Variants in NRXN3 observed in about 807,000 individuals in gnomAD.
NRXN3 encodes the protein neurexin 3, also known as neurexin III.
Under a neutral mutation model 137.6 loss-of-function variants are expected in NRXN3, and 32 were observed. The observed-to-expected ratio is 0.23, with a 90% CI of 0.18 to 0.31. The LOEUF is 0.31. Ranked by LOEUF, NRXN3 falls within the 10% of genes least tolerant of loss-of-function variation. The pLI is 1.00. For synonymous variants in NRXN3, 798 were observed against 784.5 expected (o/e 1.02, Z -0.29); for missense variants, 1,574 against 2,062.5 (o/e 0.76, Z 4.59).
At position 79,862,067 on chromosome 14, in the gene NRXN3, A is replaced by G; in HGVS notation, c.*103A>G. The G allele has an allele frequency of 1.0e-6, 1 of 1,004,290 alleles. No individual in the cohort carries two copies. The allele number at this position is 1,004,290 out of a possible 1,614,324, so 62.2% of individuals were successfully genotyped here. Reference sequence around the variant, plus strand: ...CACAGATGTCAGAACTGCTGGAACTATGAAATGGGGTATATAACCACGACT... The same window carrying G: ...CACAGATGTCAGAACTGCTGGAACTGTGAAATGGGGTATATAACCACGACT... On this transcript the variant is annotated 3_prime_UTR_variant, in exon 21 of 21. Coordinates refer to ENST00000335750, the MANE Select transcript of NRXN3 (RefSeq NM_001330195.2).
rs1482262644 is a variant in NRXN3 at position 79,269,690 on chromosome 14, G to C, written c.3263-197531G>C. On this transcript the variant is annotated intron_variant, in intron 15 of 20. Transcript: ENST00000335750. ...CATGCTGAAGAGGTAAGGAACAATA[G>C]GGTAAGCAAGCCAGCCAGCATATTC... 4.6e-5 allele frequency among the ~76,000 whole-genome samples: 7 copies of C among 152,248 alleles called. No individual in the cohort carries two copies. The East Asian group carries it at 1.2e-3, about 25-fold the overall frequency.
chr14:78,812,108 C>A (rs2153101172), intron 10 of NRXN3, among the ~76,000 whole-genome samples: 1 of 152,242 alleles, frequency 6.6e-6, no homozygotes, highest in African/African-American at 2.4e-5. Context: ...ATAAAGTTGT[C>A]CAAATATCAC....
At chr14:78,636,969 GT>G (rs948688935) in intron 4 of NRXN3, among the ~76,000 whole-genome samples, 2 of 150,806 alleles carry the variant, frequency 1.3e-5, no homozygotes, top group Admixed American at 6.6e-5. Flanking sequence ...CATGTTCTGT[GT>G]TTTTTTTTAT....
chr14:79,493,386 T>G (rs909216137), intron 16 of NRXN3, among the ~76,000 whole-genome samples: 1 of 152,208 alleles, frequency 6.6e-6, no homozygotes, highest in Non-Finnish European at 1.5e-5. Flanking sequence ...ACAGAAGGGC[T>G]TTAGCCCAGA....
chr14:78,853,688 A>G (rs989395654), intron 10 of NRXN3, among the ~76,000 whole-genome samples: 4 of 152,102 alleles, frequency 2.6e-5, no homozygotes, highest in African/African-American at 4.8e-5. Context: ...TGGCAATACT[A>G]TGTCTCTCAA....
intron 4 of NRXN3, chr14:78,300,538 T>G: frequency 1.7e-6 from 1 of 589,736 alleles, no homozygotes; most frequent in Non-Finnish European, 3.0e-6. Context: ...GTTGTGAGTT[T>G]TTGTTTTGTG....
rs147159867 is a variant in NRXN3 at position 79,718,853 on chromosome 14, G to C, written c.4014+20916G>C. Among the ~76,000 whole-genome samples the C allele has an allele frequency of 5.2e-3, 781 of 151,404 alleles. 3 individuals carry two copies. Among genetic ancestry groups the C allele is most frequent in the Non-Finnish European group, 7.8e-3 (528 of 67,852 alleles). On this transcript the variant is annotated intron_variant, in intron 19 of 20. Coordinates refer to ENST00000335750, the MANE Select transcript of NRXN3 (RefSeq NM_001330195.2). ...ACCCAGATTCCTTTTTCTCTCTGTTGTGTTCATTCTAGATCATTCCAAATG... is the reference window on the plus strand; with the variant it reads ...ACCCAGATTCCTTTTTCTCTCTGTTCTGTTCATTCTAGATCATTCCAAATG...
intron 15 of NRXN3, among the ~76,000 whole-genome samples, chr14:79,152,254 A>G (rs1035015161): frequency 3.3e-5 from 5 of 152,088 alleles, no homozygotes; most frequent in Non-Finnish European, 7.4e-5. Context: ...GAAACCAGAA[A>G]CAACTATCTT....
intron 15 of NRXN3, among the ~76,000 whole-genome samples, chr14:79,376,365 A>G (rs1303273937): frequency 2.0e-5 from 3 of 151,152 alleles, no homozygotes; most frequent in Non-Finnish European, 2.9e-5. Context: ...ATATCAAACA[A>G]TTGAATGTTT....
chr14:79,187,660 C>CAA (rs1272684800), intron 15 of NRXN3, among the ~76,000 whole-genome samples: 2 of 20,294 alleles, frequency 9.9e-5, no homozygotes, highest in African/African-American at 3.6e-4. Flanking sequence ...GACTCCGTCT[C>CAA]AAAAAAAAAA....
chr14:78,206,324 C>T (rs2062179410), intron 1 of NRXN3, among the ~76,000 whole-genome samples: 1 of 152,186 alleles, frequency 6.6e-6, no homozygotes, highest in African/African-American at 2.4e-5. Context: ...AGTGTTCAGA[C>T]ACAGTATCCC....
intron 15 of NRXN3, among the ~76,000 whole-genome samples, chr14:79,278,560 C>T (rs981162123): frequency 1.3e-5 from 2 of 152,238 alleles, no homozygotes; most frequent in Admixed American, 6.5e-5. Flanking sequence ...GCAGCCAGTT[C>T]CGGACAGGCG....
intron 8 of NRXN3, among the ~76,000 whole-genome samples, chr14:78,778,821 T>TTTCC (rs2098757878): frequency 1.5e-5 from 2 of 137,134 alleles, no homozygotes; most frequent in African/African-American, 5.4e-5. Context: ...TCTTTCTTTC[T>TTTCC]TTTCCTTCTT....
chr14:79,066,381 G>A (rs1025772999), intron 15 of NRXN3, among the ~76,000 whole-genome samples: 4 of 152,052 alleles, frequency 2.6e-5, no homozygotes, highest in South Asian at 2.1e-4. Context: ...ATGCTGTTTT[G>A]GTTACTGTAG....
At chr14:78,240,624 A>G (rs1038714570) in intron 1 of NRXN3, among the ~76,000 whole-genome samples, 5 of 152,146 alleles carry the variant, frequency 3.3e-5, no homozygotes, top group African/African-American at 1.2e-4. Flanking sequence ...CAGCTCTGGG[A>G]TTATTCTTCT....
intron 16 of NRXN3, among the ~76,000 whole-genome samples, chr14:79,498,137 C>T (rs2096785454): frequency 6.6e-6 from 1 of 152,060 alleles, no homozygotes; most frequent in African/African-American, 2.4e-5. Flanking sequence ...TTTAAATACA[C>T]TTTTACCAAG....
chr14:79,594,008 GA>G (rs1369996723), intron 16 of NRXN3, among the ~76,000 whole-genome samples: 1 of 151,506 alleles, frequency 6.6e-6, no homozygotes, highest in Non-Finnish European at 1.5e-5. Context: ...TCCTTTTTTT[GA>G]AAAAAAGCTT....
chr14:79,542,053 A>G (rs1455947438), intron 16 of NRXN3, among the ~76,000 whole-genome samples: 3 of 152,200 alleles, frequency 2.0e-5, no homozygotes, highest in South Asian at 4.1e-4. Context: ...ACTAGCCAAG[A>G]GAGGGGACTG....
At chr14:79,190,141 A>G (rs1049963950) in intron 15 of NRXN3, among the ~76,000 whole-genome samples, 3 of 152,190 alleles carry the variant, frequency 2.0e-5, no homozygotes, top group Admixed American at 6.5e-5. Context: ...TATTGCATCA[A>G]AAAAGAAGGG....
Sources: allele counts gnomAD v4.1 joint callset (sites outside exome capture counted in the v4.1 genomes callset), GRCh38; gene constraint gnomAD v4.1.1; transcripts MANE v1.5; gene names NCBI Gene and HGNC (gene_info 2026-07-23, HGNC 2026-07-21).